Variants in PIF1 observed in about 807,000 individuals in gnomAD.
The protein encoded by PIF1 is PIF1 5'-to-3' DNA helicase.
Under a neutral mutation model 62.3 loss-of-function variants are expected in PIF1, and 67 were observed. The observed-to-expected ratio is 1.08, with a 90% CI of 0.88 to 1.32. The LOEUF (loss-of-function observed/expected upper bound fraction) is 1.32. PIF1 is among the 40% of genes most tolerant of loss of function. The pLI is 0.00. For missense variants in PIF1, 886 were observed against 866.1 expected (o/e 1.02, Z -0.29); for synonymous variants, 364 against 379.5 (o/e 0.96, Z 0.47).
At chr15:64,825,863 G>A (rs1221945197), upstream of PIF1, among the ~76,000 whole-genome samples, 1 of 152,154 alleles carries the variant, frequency 6.6e-6, no homozygotes, top group Non-Finnish European at 1.5e-5. Context: ...GGCTGGGCGT[G>A]GTGGGAGGAG....
intron 2 of PIF1, 24 bp from the exon 3 acceptor site, chr15:64,822,634 G>A (rs35204896): frequency 0.093 from 149,912 of 1,612,298 alleles, 7,765 homozygotes; most frequent in Non-Finnish European, 0.11. Context: ...AGCTATCTCA[G>A]AGCATCCTCC....
chr15:64,817,965 A>G lies in PIF1; in HGVS notation c.1655T>C (p.Met552Thr), dbSNP rs1263409683. ...GCTCACTTGGCTCTTGTGGATGGAC[A>G]TCGCCCAGGCCAGCTGGAGGGGCAG... ...QQLPLQLAWA[M>T]SIHKSQGMTL... Residue 552 changes from methionine to threonine, a missense_variant, in exon 11 of 13, where the codon ATG becomes ACG. By Grantham distance (81) the Met-to-Thr change is moderately conservative. Coordinates refer to ENST00000559239, the MANE Select transcript of PIF1 (RefSeq NM_001286496.2). 2 of 1,612,888 alleles carry G rather than the reference A, an allele frequency of 1.2e-6. No individual in the cohort carries two copies. Among genetic ancestry groups the G allele is most frequent in the Admixed American group, 1.7e-5 (1 of 59,616 alleles).
rs200489734 is a variant in PIF1 at position 64,821,382 on chromosome 15, A to G, written c.956T>C (p.Leu319Pro). 49 of 1,613,942 alleles carry G rather than the reference A, an allele frequency of 3.0e-5. No individual in the cohort carries two copies. The highest frequency in any genetic ancestry group is 1.6e-5 in the Non-Finnish European group (19 of 1,179,964). ...SMVEADLFDKLEAVARAVRQQ... is the reference protein window; with the variant it reads ...SMVEADLFDKPEAVARAVRQQ... ...ACATACTGACCTGGCCACGGCCTCC[A>G]GTTTGTCAAACAGGTCTGCCTCCAC... Residue 319 changes from leucine (L) to proline (P), a missense_variant, in exon 5 of 13, where the codon CTG (leucine) becomes CCG (proline). Physicochemically the swap from Leu to Pro is moderately conservative, Grantham distance 98. Coordinates refer to ENST00000559239, the MANE Select transcript of PIF1 (RefSeq NM_001286496.2).
At chr15:64,823,754 G>GTGTC in intron 2 of PIF1, 24 bp downstream of exon 2, 1 of 1,306,118 alleles carries the variant, frequency 7.7e-7, no homozygotes, top group Non-Finnish European at 9.8e-7. Flanking sequence ...ACTCCTAAAG[G>GTGTC]TGTCCCTTCT....
At position 64,818,301 on chromosome 15, in the gene PIF1, T is replaced by C. The variant is rs760160523; in HGVS notation, c.1484A>G (p.Asn495Ser). 1 of 1,613,958 alleles carries C rather than the reference T, an allele frequency of 6.2e-7. No homozygotes were observed. Among genetic ancestry groups the C allele is most frequent in the Non-Finnish European group, 8.5e-7 (1 of 1,179,974 alleles). Residue 495 changes from asparagine to serine, a missense_variant, in exon 10 of 13, where the codon AAT (asparagine) becomes AGT (serine). Asn to Ser is a conservative substitution (Grantham distance 46). Coordinates refer to ENST00000559239, the MANE Select transcript of PIF1 (RefSeq NM_001286496.2). The part of the protein sequence containing the change: ...KNLSVSRGLV[N>S]GARGVVVGFE... The stretch of plus-strand genomic sequence containing the variant: ...CCCAACTACCACCCCTCGGGCACCA[T>C]TCACCAGGCCCCGAGACACCGATAA...
Position 64,822,538 on chromosome 15 carries a change from G to T in PIF1, c.631C>A (p.Gln211Lys), listed in dbSNP as rs772201758. ...AGGACGGCCCTCAGCACAGCAGCCTGTTCCTCAGAAAGCTGTGGCTTGGTG... is the reference window on the plus strand; with the variant it reads ...AGGACGGCCCTCAGCACAGCAGCCTTTTCCTCAGAAAGCTGTGGCTTGGTG... ...PSTKPQLSEE[Q>K]AAVLRAVLKG... The change falls in exon 3 of 13, where the codon CAG becomes AAG. Residue 211 changes from glutamine (Q) to lysine (K), a missense_variant. Transcript: ENST00000559239. 1 of 1,614,086 alleles carries T rather than the reference G, an allele frequency of 6.2e-7. No individual in the cohort carries two copies. Among genetic ancestry groups the T allele is most frequent in the South Asian group, 1.1e-5 (1 of 91,076 alleles).
Position 64,824,039 on chromosome 15 carries a change from G to C in PIF1, c.297C>G (p.Gly99=), listed in dbSNP as rs773636413. The C allele has an allele frequency of 1.9e-4, 238 of 1,270,708 alleles. 1 individual carries two copies. The Middle Eastern group carries it at 3.3e-3, about 18-fold the overall frequency. 78.7% of individuals were successfully genotyped at this position (1,270,708 alleles called of 1,614,324 possible). Reference sequence around the variant, plus strand: ...AGTCCGAGAGCAGCAGCTGCACTGCGCCGGCCCCGGGGGTGTCGTGGGCGG... The same window carrying C: ...AGTCCGAGAGCAGCAGCTGCACTGCCCCGGCCCCGGGGGTGTCGTGGGCGG... ...RLPAHDTPGA[G]AVQLLLSDCP... Residue 99 remains glycine (G), a synonymous_variant, in exon 2 of 13, where the codon GGC becomes GGG. Transcript: ENST00000559239.
Position 64,819,178 on chromosome 15 carries a change from GC to G in PIF1, c.1378del (p.Ala460ProfsTer16). On this transcript the variant is annotated frameshift_variant, in exon 9 of 13. Transcript: ENST00000559239. LOFTEE classifies it high-confidence loss of function. Reference sequence around the variant, plus strand: ...AGGACACTGGGCATCCAGGGTACTGGCCAGCTCAGGGTTGCTGTCCATAGCC... The same window carrying G: ...AGGACACTGGGCATCCAGGGTACTGGCAGCTCAGGGTTGCTGTCCATAGCC... ...FEAMDSNPEL[A>X]STLDAQCPVS... The G allele has an allele frequency of 6.2e-7, 1 of 1,602,652 alleles. No homozygotes were observed. Among genetic ancestry groups the G allele is most frequent in the Non-Finnish European group, 8.5e-7 (1 of 1,176,750 alleles).
At position 64,819,252 on chromosome 15, in the gene PIF1, C is replaced by T. The variant is rs376419745; in HGVS notation, c.1334-29G>A. 162 of 1,451,334 alleles carry T rather than the reference C, an allele frequency of 1.1e-4. 1 individual carries two copies. Among genetic ancestry groups the T allele is most frequent in the Non-Finnish European group, 1.5e-4 (153 of 1,050,426 alleles). 89.9% of individuals were successfully genotyped at this position (1,451,334 alleles called of 1,614,324 possible). On this transcript the variant is annotated intron_variant, in intron 8 of 12. Coordinates refer to ENST00000559239, the MANE Select transcript of PIF1 (RefSeq NM_001286496.2). ...GAGAAAAAGAGTTGAGCAAACAGAT[C>T]ACAAATCACTGACTTGTGACTCAGC...
chr15:64,819,045 A>AGG, intron 9 of PIF1, 72 bp downstream of exon 9: 1 of 1,176,878 alleles, frequency 8.5e-7, no homozygotes, highest in East Asian at 2.9e-5. Context: ...GCCTGGGCAG[A>AGG]GGGGTAGGGA....
Position 64,818,335 on chromosome 15 carries a change from C to G in PIF1, c.1450G>C (p.Val484Leu). ...CCCCGAGACACCGATAAGTTTTTCACCAGCATCACCTGCAAGGGAGAGAGA... is the reference window on the plus strand; with the variant it reads ...CCCCGAGACACCGATAAGTTTTTCAGCAGCATCACCTGCAAGGGAGAGAGA... ...QLKLGAQVML[V>L]KNLSVSRGLV... Residue 484 changes from valine to leucine, a missense_variant, in exon 10 of 13, where the codon GTG (valine) becomes CTG (leucine). Transcript: ENST00000559239. The G allele has an allele frequency of 6.2e-7, 1 of 1,614,062 alleles. No individual in the cohort carries two copies. Among genetic ancestry groups the G allele is most frequent in the Non-Finnish European group, 8.5e-7 (1 of 1,180,000 alleles).
In PIF1 at chr15:64,822,507, C is replaced by A. The variant is rs764706842; in HGVS notation, c.662G>T (p.Gly221Val). The change falls in exon 3 of 13, where the codon GGC becomes GTC. Residue 221 changes from glycine (G) to valine (V), a missense_variant. Gly to Val is a moderately radical substitution (Grantham distance 109). Transcript: ENST00000559239. ...QAAVLRAVLK[G>V]QSIFFTGSAG... ...ACTCCCAGTGAAGAAGATGCTCTGG[C>A]CTTTCAGGACGGCCCTCAGCACAGC... 2 of 1,614,080 alleles carry A rather than the reference C, an allele frequency of 1.2e-6. No homozygotes were observed. The highest frequency in any genetic ancestry group is 1.1e-5 in the South Asian group (1 of 91,064).
chr15:64,816,631 A>T lies in PIF1; in HGVS notation c.1809T>A (p.Cys603Ter). The change falls in exon 12 of 13, where the codon TGT becomes TGA. Residue 603 changes from cysteine (C) to a stop codon, truncating the protein, a stop_gained. Transcript: ENST00000559239. LOFTEE classifies it high-confidence loss of function. ...CATAGAAGTGCAGCACACGGGGGTCACAGCGAACCGCCATGGGGTCAAAGT... is the reference window on the plus strand; with the variant it reads ...CATAGAAGTGCAGCACACGGGGGTCTCAGCGAACCGCCATGGGGTCAAAGT... ...VLDFDPMAVR[C>*]DPRVLHFYAT... 1 of 1,614,072 alleles carries T rather than the reference A, an allele frequency of 6.2e-7. No individual in the cohort carries two copies. The highest frequency in any genetic ancestry group is 1.1e-5 in the South Asian group (1 of 91,084).
intron 9 of PIF1, 69 bp downstream of exon 9, chr15:64,819,048 G>A: frequency 4.9e-6 from 6 of 1,213,130 alleles, no homozygotes; most frequent in Non-Finnish European, 6.8e-6. Context: ...TGGGCAGAGG[G>A]GTAGGGATCA....
At chr15:64,817,842 A>T (rs2084211637) in intron 11 of PIF1, 104 bp downstream of exon 11, 2 of 1,361,164 alleles carry the variant, frequency 1.5e-6, no homozygotes, top group East Asian at 2.5e-5. Flanking sequence ...AGCGTGGGCG[A>T]CAGAGCAAGA....
upstream of PIF1, among the ~76,000 whole-genome samples, chr15:64,826,624 T>TTTTA (rs1256310883): frequency 1.1e-4 from 4 of 36,078 alleles, no homozygotes; most frequent in African/African-American, 2.1e-4. Context: ...CCCAGCTAAT[T>TTTTA]TATATATATA....
intron 2 of PIF1, 25 bp downstream of exon 2, chr15:64,823,753 G>C: frequency 2.3e-6 from 3 of 1,305,664 alleles, no homozygotes; most frequent in Non-Finnish European, 2.9e-6. Flanking sequence ...TACTCCTAAA[G>C]GTGTCCCTTC....
At position 64,824,313 on chromosome 15, in the gene PIF1, G is replaced by A; in HGVS notation, c.23C>T (p.Ala8Val). 1.6e-6 allele frequency: 2 copies of A among 1,257,866 alleles called. No homozygotes were observed. Among genetic ancestry groups the A allele is most frequent in the South Asian group, 3.1e-5 (1 of 32,156 alleles). The allele number at this position is 1,257,866 out of a possible 1,614,324, so 77.9% of individuals were successfully genotyped here. The change falls in exon 2 of 13, where the codon GCG becomes GTG. Residue 8 changes from alanine (A) to valine (V), a missense_variant. Physicochemically the swap from Ala to Val is moderately conservative, Grantham distance 64. Transcript: ENST00000559239. Reference sequence around the variant, plus strand: ...CTCCGAGTCCTCATATTCCCCTGCCGCCGCCTCTATGCCCGAGAGCATCGT... The same window carrying A: ...CTCCGAGTCCTCATATTCCCCTGCCACCGCCTCTATGCCCGAGAGCATCGT... MLSGIEA[A>V]AGEYEDSELR...
Position 64,818,292 on chromosome 15 carries a change from C to T in PIF1, c.1493G>A (p.Arg498Gln), listed in dbSNP as rs199782336. ...TGCCTCGAACCCAACTACCACCCCT[C>T]GGGCACCATTCACCAGGCCCCGAGA... The part of the protein sequence containing the change: ...SVSRGLVNGA[R>Q]GVVVGFEAEG... Residue 498 changes from arginine to glutamine, a missense_variant, in exon 10 of 13, where the codon CGA becomes CAA. Coordinates refer to ENST00000559239, the MANE Select transcript of PIF1 (RefSeq NM_001286496.2). 1.2e-5 allele frequency: 19 copies of T among 1,614,130 alleles called. No individual in the cohort carries two copies. The highest frequency in any genetic ancestry group is 1.1e-4 in the East Asian group (5 of 44,880).
Sources: allele counts gnomAD v4.1 joint callset (sites outside exome capture counted in the v4.1 genomes callset), GRCh38; gene constraint gnomAD v4.1.1; transcripts MANE v1.5; gene names NCBI Gene and HGNC (gene_info 2026-07-23, HGNC 2026-07-21).